Variants in RAG1 observed in about 807,000 individuals in gnomAD.
RAG1 encodes the protein V(D)J recombination-activating protein 1.
RAG1 carries 35 observed loss-of-function variants against 62.7 expected under a neutral mutation model. That is an observed-to-expected ratio of 0.56 (90% CI 0.43 to 0.74). RAG1 has a LOEUF of 0.74. RAG1 is among the 30% of genes least tolerant of loss of function. RAG1 has a pLI of 0.00. For missense variants in RAG1, 1,169 were observed against 1,278.6 expected (o/e 0.91, Z 1.31); for synonymous variants, 461 against 470.3 (o/e 0.98, Z 0.26).
At chr11:36,539,887 T>C (rs767880978), downstream of RAG1, among the ~76,000 whole-genome samples, 6 of 152,268 alleles carry the variant, frequency 3.9e-5, no homozygotes, top group African/African-American at 1.2e-4. Context: ...TTTGGTCTTC[T>C]ATGAATCTCC....
At chr11:36,525,855 C>A (rs553059297) in intron 2 of RAG1, among the ~76,000 whole-genome samples, 2 of 151,902 alleles carry the variant, frequency 1.3e-5, no homozygotes, top group African/African-American at 4.8e-5. Flanking sequence ...CAAATAGAAA[C>A]GGTTTCATTT....
chr11:36,513,839 G>A (rs1859959169), intron 1 of RAG1, among the ~76,000 whole-genome samples: 1 of 152,166 alleles, frequency 6.6e-6, no homozygotes, highest in South Asian at 2.1e-4. Context: ...CAGTATGGGG[G>A]AAACTGCCCC....
intron 3 of RAG1, among the ~76,000 whole-genome samples, chr11:36,544,068 A>G (rs11033690): frequency 1.3e-5 from 2 of 152,208 alleles, no homozygotes; most frequent in African/African-American, 4.8e-5. Context: ...TCCACAATTC[A>G]TGAACCAGTA....
In RAG1 at chr11:36,575,043, G is replaced by C. The variant is rs778449910; in HGVS notation, c.1739G>C (p.Gly580Ala). The change falls in exon 2 of 2, where the codon GGC becomes GCC. Residue 580 changes from glycine (G) to alanine (A), a missense_variant. Physicochemically the swap from Gly to Ala is moderately conservative, Grantham distance 60 (BLOSUM62 0). This residue lies in a region of RAG1 where 800 missense variants were observed against 943.3 expected (regional missense o/e 0.85). Coordinates refer to ENST00000299440, the MANE Select transcript of RAG1 (RefSeq NM_000448.3). The surrounding 1 kb of genome is among the most constrained non-coding windows in gnomAD (Gnocchi z 4.1). ...GACATGGAAGAAGACATCTTGGAAG[G>C]CATGAGATCCCAAGACCTTGATGAT... is the stretch of plus-strand genomic sequence containing the variant. ...LMDMEEDILE[G>A]MRSQDLDDYL... 6.2e-7 allele frequency: 1 copy of C among 1,614,140 alleles called. No homozygotes were observed. The highest frequency in any genetic ancestry group is 1.7e-5 in the Admixed American group (1 of 60,020).
At chr11:36,518,870 T>G (rs979326299) in intron 1 of RAG1, among the ~76,000 whole-genome samples, 4 of 152,120 alleles carry the variant, frequency 2.6e-5, no homozygotes, top group South Asian at 2.1e-4. Flanking sequence ...GTCAATTTTG[T>G]CTTTTGTTGC....
At chr11:36,545,038 G>T (rs1168363046) in intron 3 of RAG1, among the ~76,000 whole-genome samples, 1 of 152,160 alleles carries the variant, frequency 6.6e-6, no homozygotes, top group East Asian at 1.9e-4. Flanking sequence ...TACAATGGTT[G>T]CATTACATTC....
Position 36,533,126 on chromosome 11 carries a change from C to T in RAG1, n.429-2833C>T, listed in dbSNP as rs570415165. Among the ~76,000 whole-genome samples the T allele has an allele frequency of 9.9e-5, 15 of 152,232 alleles. No individual in the cohort carries two copies. In the South Asian group the frequency reaches 1.9e-3, roughly 19 times the overall value. On this transcript the variant is annotated intron_variant and non_coding_transcript_variant, in intron 2 of 2. Coordinates refer to the RAG1 transcript ENST00000529126. Reference sequence around the variant, plus strand: ...AAGAGGGAACTAGCCACAACAACCTCGGTTCTGTTCTGGTTCCCCATAGAA... The same window carrying T: ...AAGAGGGAACTAGCCACAACAACCTTGGTTCTGTTCTGGTTCCCCATAGAA...
chr11:36,549,977 A>ACAT (rs1187090427), intron 3 of RAG1, among the ~76,000 whole-genome samples: 1 of 152,212 alleles, frequency 6.6e-6, no homozygotes, highest in Admixed American at 6.5e-5. Flanking sequence ...AACATAGATA[A>ACAT]AGCTGGAAAC....
intron 3 of RAG1, among the ~76,000 whole-genome samples, chr11:36,551,222 G>T (rs1031578022): frequency 2.0e-5 from 3 of 152,192 alleles, no homozygotes; most frequent in African/African-American, 7.2e-5. Context: ...ATAAGAAAGT[G>T]GCAGTTTTTG....
chr11:36,523,008 T>C (rs1390544961), intron 2 of RAG1, among the ~76,000 whole-genome samples: 1 of 152,218 alleles, frequency 6.6e-6, no homozygotes, highest in Non-Finnish European at 1.5e-5. Flanking sequence ...TATAGGCTCA[T>C]AGGTGAAGGG....
intron 1 of RAG1, among the ~76,000 whole-genome samples, chr11:36,515,092 T>A (rs1859978205): frequency 6.6e-6 from 1 of 152,192 alleles, no homozygotes; most frequent in African/African-American, 2.4e-5. Context: ...TGTGCCCAGC[T>A]GTTTTAAGGA....
At chr11:36,543,045 C>T (rs922192727) in intron 3 of RAG1, among the ~76,000 whole-genome samples, 19 of 152,116 alleles carry the variant, frequency 1.2e-4, no homozygotes, top group Non-Finnish European at 1.9e-4. Flanking sequence ...CAGATTTGAA[C>T]GAGTCACTAC....
At chr11:36,526,492 T>G (rs1388090798) in intron 2 of RAG1, among the ~76,000 whole-genome samples, 1 of 152,164 alleles carries the variant, frequency 6.6e-6, no homozygotes, top group African/African-American at 2.4e-5. Context: ...TTATGGACAT[T>G]TGGGTTGGTT....
intron 1 of RAG1, among the ~76,000 whole-genome samples, chr11:36,514,888 CAA>C (rs1282393336): frequency 0.013 from 1,939 of 152,312 alleles, 37 homozygotes; most frequent in African/African-American, 0.045. Flanking sequence ...TTTCTGCATG[CAA>C]AGATCTTTCA....
At chr11:36,513,439 G>A (rs1296019087) in intron 1 of RAG1, among the ~76,000 whole-genome samples, 2 of 152,210 alleles carry the variant, frequency 1.3e-5, no homozygotes, top group East Asian at 3.8e-4. Flanking sequence ...CTCTCTACAA[G>A]TTGAATTATA....
chr11:36,558,359 A>T (rs1360524770), intron 3 of RAG1, among the ~76,000 whole-genome samples: 1 of 152,220 alleles, frequency 6.6e-6, no homozygotes, highest in East Asian at 1.9e-4. Context: ...AAATGCTAAT[A>T]CAGTAGGCTG....
rs746942853 is a variant in RAG1 at position 36,573,439 on chromosome 11, T to G, written c.135T>G (p.Ala45=). 1.2e-5 allele frequency: 20 copies of G among 1,614,072 alleles called. No individual in the cohort carries two copies. Among genetic ancestry groups the G allele is most frequent in the Non-Finnish European group, 1.6e-5 (19 of 1,180,032 alleles). The change falls in exon 2 of 2, where the codon GCT becomes GCG. Residue 45 remains alanine, a synonymous_variant. Transcript: ENST00000299440. ...VRSFEKTPEE[A]QKEKKDSFEG... ...CCTTTGAAAAGACACCTGAAGAAGC[T>G]CAAAAGGAAAAGAAGGATTCCTTTG...
rs1860167998 is a variant in RAG1 at position 36,526,674 on chromosome 11, T to C, written n.428+6445T>C. Reference sequence around the variant, plus strand: ...ATTGCCACACTGTCTTCCACAATGGTTGAACTAATCTACACTCCCACCAAC... The same window carrying C: ...ATTGCCACACTGTCTTCCACAATGGCTGAACTAATCTACACTCCCACCAAC... On this transcript the variant is annotated intron_variant and non_coding_transcript_variant, in intron 2 of 2. Transcript: ENST00000529126. Among the ~76,000 whole-genome samples the C allele has an allele frequency of 2.0e-5, 3 of 152,326 alleles. No individual in the cohort carries two copies. The South Asian group carries it at 6.2e-4, about 32-fold the overall frequency.
Position 36,574,380 on chromosome 11 carries a change from C to T in RAG1, c.1076C>T (p.Pro359Leu), listed in dbSNP as rs778416211. 6.2e-7 allele frequency: 1 copy of T among 1,614,038 alleles called. No homozygotes were observed. The highest frequency in any genetic ancestry group is 2.2e-5 in the East Asian group (1 of 44,896). The change falls in exon 2 of 2, where the codon CCA becomes CTA. Residue 359 changes from proline (P) to leucine (L), a missense_variant. Coordinates refer to ENST00000299440, the MANE Select transcript of RAG1 (RefSeq NM_000448.3). The part of the protein sequence containing the change: ...SVLNSLMVKC[P>L]AKECNEEVSL... ...TTGAATTCCCTGATGGTGAAATGTC[C>T]AGCAAAAGAGTGCAATGAGGAGGTC...
Sources: allele counts gnomAD v4.1 joint callset (sites outside exome capture counted in the v4.1 genomes callset), GRCh38; gene constraint gnomAD v4.1.1; regional missense constraint gnomAD v4.1.1; non-coding constraint Gnocchi (gnomAD v3.1); transcripts MANE v1.5; gene names NCBI Gene and HGNC (gene_info 2026-07-23, HGNC 2026-07-21).